Variants in HHIPL2 observed in about 807,000 individuals in gnomAD.
HHIPL2 encodes HHIP like 2, also known as HHIP-like protein 2.
Under a neutral mutation model 61.0 loss-of-function variants are expected in HHIPL2, and 61 were observed. That is an observed-to-expected ratio of 1.00 (90% CI 0.81 to 1.24). The LOEUF is 1.24. HHIPL2 is among the 50% of genes most tolerant of loss of function. HHIPL2 has a pLI of 0.00. For missense variants in HHIPL2, 885 were observed against 910.2 expected, an observed-to-expected ratio of 0.97 and a Z score of 0.36; for synonymous variants, 343 against 357.4, an observed-to-expected ratio of 0.96 and a Z score of 0.45.
rs1658976222 is a variant in HHIPL2 at position 222,522,599 on chromosome 1, G to C, written c.*2C>G. On this transcript the variant is annotated 3_prime_UTR_variant, in exon 9 of 9. Transcript: ENST00000343410. ...ACCCTGTCGGCCACCTTGACCAATA[G>C]GTCAAGGGAGACTTCTGCCAGCTCG... 1.2e-6 allele frequency: 2 copies of C among 1,611,216 alleles called. No homozygotes were observed. Among genetic ancestry groups the C allele is most frequent in the African/African-American group, 2.7e-5 (2 of 75,020 alleles).
intron 6 of HHIPL2, among the ~76,000 whole-genome samples, chr1:222,528,329 G>T (rs145634742): frequency 1.3e-5 from 2 of 152,164 alleles, no homozygotes; most frequent in African/African-American, 2.4e-5. Flanking sequence ...TAACCAGGCC[G>T]GGCGCGGTAG....
At chr1:222,539,785 C>T (rs762155517) in intron 4 of HHIPL2, among the ~76,000 whole-genome samples, 2 of 152,206 alleles carry the variant, frequency 1.3e-5, no homozygotes, top group Middle Eastern at 3.4e-3. Context: ...TTCATTAGGT[C>T]GAGGGCAGAG....
intron 6 of HHIPL2, 26 bp downstream of exon 6, chr1:222,531,940 A>G (rs760208473): frequency 1.3e-6 from 2 of 1,566,008 alleles, no homozygotes; most frequent in Non-Finnish European, 1.7e-6. Context: ...GTAAGCAGAA[A>G]TCAAACAACT....
chr1:222,547,806 G>C lies in HHIPL2; in HGVS notation c.239C>G (p.Ala80Gly), dbSNP rs1376081579. The C allele has an allele frequency of 1.2e-6, 2 of 1,614,160 alleles. No individual in the cohort carries two copies. The highest frequency in any genetic ancestry group is 8.5e-7 in the Non-Finnish European group (1 of 1,180,012). Reference protein sequence around the residue: ...CDQHKDRRIAARYWDIMEYFD... With the variant: ...CDQHKDRRIAGRYWDIMEYFD... ...ATATTCCATGATGTCCCAGTACCGG[G>C]CAGCGATGCGGCGGTCCTTGTGCTG... Residue 80 changes from alanine (A) to glycine (G), a missense_variant, in exon 1 of 9, where the codon GCC (alanine) becomes GGC (glycine). Ala to Gly is a moderately conservative substitution (Grantham distance 60). Transcript: ENST00000343410.
At chr1:222,533,064 A>G (rs547874458) in intron 5 of HHIPL2, among the ~76,000 whole-genome samples, 1 of 152,338 alleles carries the variant, frequency 6.6e-6, no homozygotes, top group South Asian at 2.1e-4. Flanking sequence ...GTACACCTCA[A>G]TTAAGAATCA....
At position 222,544,197 on chromosome 1, in the gene HHIPL2, AG is replaced by A; in HGVS notation, c.322-9del. On this transcript the variant is annotated splice_polypyrimidine_tract_variant and intron_variant, in intron 1 of 8. Coordinates refer to ENST00000343410, the MANE Select transcript of HHIPL2 (RefSeq NM_024746.4). ...TGCGTAGGGCGAGCACTCCTAAAAA[AG>A]AACGCGGAGCTCAGGCTCAGCATCA... is the stretch of plus-strand genomic sequence containing the variant. The A allele has an allele frequency of 6.2e-7, 1 of 1,604,746 alleles. No individual in the cohort carries two copies. The highest frequency in any genetic ancestry group is 8.5e-7 in the Non-Finnish European group (1 of 1,175,764).
Position 222,544,012 on chromosome 1 carries a change from G to T in HHIPL2, c.499C>A (p.Arg167Ser), listed in dbSNP as rs199780859. 8.5e-5 allele frequency: 137 copies of T among 1,614,106 alleles called. 2 individuals are homozygous for T. In the Admixed American group the frequency reaches 1.7e-3, roughly 20 times the overall value. The change falls in exon 2 of 9, where the codon CGC (arginine) becomes AGC (serine). Residue 167 changes from arginine to serine, a missense_variant. Physicochemically the swap from Arg to Ser is moderately radical, Grantham distance 110. Coordinates refer to ENST00000343410, the MANE Select transcript of HHIPL2 (RefSeq NM_024746.4). ...GGAAGGTCCAGGAGGTGGCAGAAGC[G>T]GGTACCGTCCCTTCCATGAGACTCC... Reference protein sequence around the residue: ...LQESHGRDGTRFCHLLDLPDK... With the variant: ...LQESHGRDGTSFCHLLDLPDK...
intron 1 of HHIPL2, among the ~76,000 whole-genome samples, chr1:222,545,717 A>G (rs1659539746): frequency 6.6e-6 from 1 of 152,038 alleles, no homozygotes; most frequent in South Asian, 2.1e-4. Flanking sequence ...CCCTACTTCA[A>G]AGGGAAGAAA....
chr1:222,536,348 A>G (rs1659302815), intron 5 of HHIPL2, among the ~76,000 whole-genome samples: 1 of 152,192 alleles, frequency 6.6e-6, no homozygotes, highest in Non-Finnish European at 1.5e-5. Flanking sequence ...AAGAATAATA[A>G]AGGAATATTA....
At position 222,540,132 on chromosome 1, in the gene HHIPL2, C is replaced by A; in HGVS notation, c.1328G>T (p.Gly443Val). 1 of 1,614,268 alleles carries A rather than the reference C, an allele frequency of 6.2e-7. No homozygotes were observed. The highest frequency in any genetic ancestry group is 8.5e-7 in the Non-Finnish European group (1 of 1,180,050). ...TTCAAACCTGTTCTGGCCCACGTCC[C>A]CACAGAATATCCGGCCTCGGCCCTG... ...TRQGRGRIFC[G>V]DVGQNRFEEV... is the part of the protein sequence containing the mutation. The change falls in exon 4 of 9, where the codon GGG becomes GTG. Residue 443 changes from glycine (G) to valine (V), a missense_variant. Gly to Val is a moderately radical substitution (Grantham distance 109, BLOSUM62 -3). Coordinates refer to ENST00000343410, the MANE Select transcript of HHIPL2 (RefSeq NM_024746.4).
intron 6 of HHIPL2, among the ~76,000 whole-genome samples, chr1:222,530,656 G>A (rs1235402042): frequency 2.0e-5 from 3 of 152,210 alleles, no homozygotes; most frequent in Admixed American, 2.0e-4. Context: ...GCCACCTCAT[G>A]GCCCAGAGGG....
intron 1 of HHIPL2, among the ~76,000 whole-genome samples, chr1:222,544,552 C>T (rs140430444): frequency 0.011 from 1,639 of 152,094 alleles, 31 homozygotes; most frequent in African/African-American, 0.037. Flanking sequence ...TTCATAGAAA[C>T]GGCCTCACCA....
intron 2 of HHIPL2, among the ~76,000 whole-genome samples, chr1:222,542,528 CTTTTTT>C (rs772394115): frequency 2.1e-5 from 2 of 97,178 alleles, no homozygotes; most frequent in East Asian, 3.7e-4. Flanking sequence ...CCACATCTGG[CTTTTTT>C]TTTTTTTTTT....
intron 4 of HHIPL2, 128 bp downstream of exon 4, chr1:222,539,882 C>T (rs1487017219): frequency 4.0e-6 from 3 of 751,842 alleles, no homozygotes; most frequent in East Asian, 2.6e-5. Flanking sequence ...AGAAGCACTA[C>T]ACCACAGGAC....
In HHIPL2 at chr1:222,543,115, A is replaced by G. The variant is rs74696853; in HGVS notation, c.974+422T>C. Among the ~76,000 whole-genome samples the G allele has an allele frequency of 6.2e-4, 95 of 152,368 alleles. 1 individual carries two copies. In the East Asian group the frequency reaches 0.018, roughly 28 times the overall value. ...GTTAAAACTGAGTCCTCACCTGGCC[A>G]TGCATCCATAGCTTGATGGCCTTGT... On this transcript the variant is annotated intron_variant, in intron 2 of 8. Transcript: ENST00000343410.
At chr1:222,547,681 C>T in intron 1 of HHIPL2, 43 bp downstream of exon 1, 1 of 1,542,404 alleles carries the variant, frequency 6.5e-7, no homozygotes, top group Non-Finnish European at 8.9e-7. Context: ...CACCATGCAG[C>T]CCAGCACCCA....
chr1:222,538,986 G>A, intron 4 of HHIPL2: 1 of 519,766 alleles, frequency 1.9e-6, no homozygotes, highest in Non-Finnish European at 3.3e-6. Flanking sequence ...ACTGCTATCT[G>A]CAGGCAGAGA....
Position 222,544,173 on chromosome 1 carries a change from G to T in HHIPL2, c.338C>A (p.Ala113Glu), listed in dbSNP as rs1571778560. The change falls in exon 2 of 9, where the codon GCA (alanine) becomes GAA (glutamate). Residue 113 changes from alanine (A) to glutamate (E), a missense_variant. Coordinates refer to ENST00000343410, the MANE Select transcript of HHIPL2 (RefSeq NM_024746.4). ...DILCQECSPYAAHLYDAENTQ... is the reference protein window; with the variant it reads ...DILCQECSPYEAHLYDAENTQ... Reference sequence around the variant, plus strand: ...GTTTTCGGCGTCGTAGAGGTGGGCTGCGTAGGGCGAGCACTCCTAAAAAAG... The same window carrying T: ...GTTTTCGGCGTCGTAGAGGTGGGCTTCGTAGGGCGAGCACTCCTAAAAAAG... The T allele has an allele frequency of 6.2e-7, 1 of 1,612,388 alleles. No homozygotes were observed. Among genetic ancestry groups the T allele is most frequent in the Non-Finnish European group, 8.5e-7 (1 of 1,179,862 alleles).
chr1:222,545,902 A>G (rs1659543574), intron 1 of HHIPL2, among the ~76,000 whole-genome samples: 1 of 151,852 alleles, frequency 6.6e-6, no homozygotes. Context: ...AAAAAAACCC[A>G]GGCATGGTGT....
Sources: allele counts gnomAD v4.1 joint callset (sites outside exome capture counted in the v4.1 genomes callset), GRCh38; gene constraint gnomAD v4.1.1; transcripts MANE v1.5; gene names NCBI Gene and HGNC (gene_info 2026-07-23, HGNC 2026-07-21).